Variants in DOCK1 observed in about 807,000 individuals in gnomAD.
The protein encoded by DOCK1 is dedicator of cytokinesis 1.
A neutral mutation model predicts 262.7 loss-of-function variants in DOCK1; 138 were observed. The ratio of observed to expected loss-of-function variants is 0.53; its 90% CI spans 0.46 to 0.61. The LOEUF is 0.61. Ranked by LOEUF, DOCK1 falls within the 20% of genes least tolerant of loss-of-function variation. The probability of loss-of-function intolerance (pLI) is 0.00; values close to 1 mark genes in which losing one functional copy is unlikely to be tolerated. For missense variants in DOCK1, 1,908 were observed against 2,370.7 expected, an observed-to-expected ratio of 0.80 and a Z score of 4.05; for synonymous variants, 866 against 867.4, an observed-to-expected ratio of 1.00 and a Z score of 0.03.
At chr10:127,004,944 A>T (rs1412071989) in intron 10 of DOCK1, among the ~76,000 whole-genome samples, 1 of 152,060 alleles carries the variant, frequency 6.6e-6, no homozygotes, top group Non-Finnish European at 1.5e-5. Flanking sequence ...CCCGCTTATC[A>T]CATGGTGGCA....
At chr10:127,212,810 C>CAA (rs1419813369) in intron 27 of DOCK1, among the ~76,000 whole-genome samples, 10 of 41,898 alleles carry the variant, frequency 2.4e-4, no homozygotes, top group African/African-American at 2.7e-4. Flanking sequence ...CACCCCTTGC[C>CAA]AAAAAAAAAA....
chr10:127,101,349 C>T (rs892893115), intron 23 of DOCK1, among the ~76,000 whole-genome samples: 3 of 152,110 alleles, frequency 2.0e-5, no homozygotes, highest in Admixed American at 6.5e-5. Flanking sequence ...CAGTGTAAGA[C>T]GTGCCTCTCC....
chr10:127,053,779 G>A (rs1342662421), intron 22 of DOCK1, among the ~76,000 whole-genome samples: 1 of 152,188 alleles, frequency 6.6e-6, no homozygotes, highest in African/African-American at 2.4e-5. Context: ...GCTAAAATGA[G>A]GACTTTCTAA....
chr10:126,926,211 A>G (rs1591337796), intron 1 of DOCK1, among the ~76,000 whole-genome samples: 2 of 151,940 alleles, frequency 1.3e-5, no homozygotes, highest in East Asian at 3.9e-4. Flanking sequence ...ATCCGGTGAC[A>G]GAGCCACCGA....
intron 10 of DOCK1, among the ~76,000 whole-genome samples, chr10:127,005,206 C>T (rs899399413): frequency 2.4e-4 from 37 of 151,990 alleles, no homozygotes; most frequent in Admixed American, 1.6e-3. Flanking sequence ...ATTAGCCGGT[C>T]GTGGTGGCGC....
chr10:127,404,123 T>G (rs1258958605), intron 39 of DOCK1, among the ~76,000 whole-genome samples: 1 of 151,852 alleles, frequency 6.6e-6, no homozygotes, highest in Non-Finnish European at 1.5e-5. Flanking sequence ...GGAGAATGAG[T>G]GAAAAATAAT....
At chr10:127,303,567 C>T (rs11017202) in intron 29 of DOCK1, among the ~76,000 whole-genome samples, 1 of 116,530 alleles carries the variant, frequency 8.6e-6, no homozygotes, top group Non-Finnish European at 1.8e-5. Flanking sequence ...GTGGCTCACA[C>T]CTGTAATCCC....
chr10:126,956,375 C>CA (rs2036738124), intron 1 of DOCK1, among the ~76,000 whole-genome samples: 1 of 152,186 alleles, frequency 6.6e-6, no homozygotes, highest in Admixed American at 6.5e-5. Flanking sequence ...CTAAGGCCTA[C>CA]AGCCTACGAG....
At position 127,439,299 on chromosome 10, in the gene DOCK1, A is replaced by G. The variant is rs573358209; in HGVS notation, c.5259+74A>G. 3 of 1,459,284 alleles carry G rather than the reference A, an allele frequency of 2.1e-6. No homozygotes were observed. The African/African-American group carries it at 4.3e-5, about 21-fold the overall frequency. The allele number at this position is 1,459,284 out of a possible 1,614,324, so 90.4% of individuals were successfully genotyped here. ...TACCTTTGCCCCACCTGTAGCCAAC[A>G]GGGCTGACGGTGGGCTCTTATTGAA... On this transcript the variant is annotated intron_variant, in intron 49 of 51. Transcript: ENST00000623213.
chr10:126,960,898 G>T (rs1013984599), intron 1 of DOCK1, among the ~76,000 whole-genome samples: 1 of 150,668 alleles, frequency 6.6e-6, no homozygotes, highest in Non-Finnish European at 1.5e-5. Flanking sequence ...TAAGATAGTT[G>T]CTGCTAGTTG....
At chr10:127,238,396 C>A (rs562586703) in intron 27 of DOCK1, among the ~76,000 whole-genome samples, 1 of 152,212 alleles carries the variant, frequency 6.6e-6, no homozygotes, top group Admixed American at 6.5e-5. Flanking sequence ...CCCCAAAGAC[C>A]TTTTACCTCG....
chr10:127,015,892 C>T (rs912963684), intron 12 of DOCK1: 2 of 152,480 alleles, frequency 1.3e-5, no homozygotes, highest in Non-Finnish European at 2.9e-5. Context: ...AGACCACAGT[C>T]CCTGCCACCC....
chr10:127,119,207 C>A (rs1374477196), intron 25 of DOCK1, among the ~76,000 whole-genome samples: 1 of 152,164 alleles, frequency 6.6e-6, no homozygotes, highest in African/African-American at 2.4e-5. Flanking sequence ...CCGTGGCCGA[C>A]TAATTTTGTT....
chr10:127,019,053 C>T, intron 13 of DOCK1: 1 of 629,168 alleles, frequency 1.6e-6, no homozygotes, highest in Non-Finnish European at 2.6e-6. Context: ...TGGATCAGCT[C>T]TCCCCAGCTG....
chr10:126,985,146 A>G (rs1056171097), intron 4 of DOCK1, among the ~76,000 whole-genome samples: 2 of 151,558 alleles, frequency 1.3e-5, no homozygotes, highest in African/African-American at 4.9e-5. Flanking sequence ...ATGCCTGGCT[A>G]ATTTTTGTAT....
chr10:127,274,125 A>C (rs897797566), intron 29 of DOCK1, among the ~76,000 whole-genome samples: 4 of 152,146 alleles, frequency 2.6e-5, no homozygotes, highest in Admixed American at 2.6e-4. Flanking sequence ...TCCCAAAAAA[A>C]GTGCATGATG....
At chr10:127,121,453 A>ATGTGTGTGTGTGTGTG (rs755217555) in intron 25 of DOCK1, among the ~76,000 whole-genome samples, 22 of 25,790 alleles carry the variant, frequency 8.5e-4, no homozygotes, top group Non-Finnish European at 2.0e-3. Flanking sequence ...GGGTATATGT[A>ATGTGTGTGTGTGTGTG]TATGTGTGTG....
At chr10:127,116,167 A>G (rs1184488260) in intron 25 of DOCK1, among the ~76,000 whole-genome samples, 1 of 152,072 alleles carries the variant, frequency 6.6e-6, no homozygotes, top group Non-Finnish European at 1.5e-5. Context: ...TAGGAATGGG[A>G]AAGAGGCCAT....
At chr10:127,258,221 C>T (rs568807492) in intron 29 of DOCK1, among the ~76,000 whole-genome samples, 2 of 152,240 alleles carry the variant, frequency 1.3e-5, no homozygotes, top group Admixed American at 6.5e-5. Flanking sequence ...CCACCACCAC[C>T]GTGAAGCCAC....
Sources: allele counts gnomAD v4.1 joint callset (sites outside exome capture counted in the v4.1 genomes callset), GRCh38; gene constraint gnomAD v4.1.1; transcripts MANE v1.5; gene names NCBI Gene and HGNC (gene_info 2026-07-23, HGNC 2026-07-21).